The following LINGO2 variants were observed in gnomAD, a reference collection of about 807,000 sequenced individuals.
LINGO2 encodes leucine rich repeat and Ig domain containing 2.
LINGO2 carries 14 observed loss-of-function variants against 30.6 expected under a neutral mutation model. The observed-to-expected ratio is 0.46, with a 90% CI of 0.30 to 0.72. The LOEUF is 0.72. LINGO2 is among the 30% of genes least tolerant of loss of function. The pLI, the probability that LINGO2 is intolerant of heterozygous loss-of-function variation, is 0.07. For missense variants in LINGO2, 729 were observed against 751.7 expected, an observed-to-expected ratio of 0.97 and a Z score of 0.35; for synonymous variants, 317 against 288.5, an observed-to-expected ratio of 1.10 and a Z score of -1.00.
chr9:28,020,124 T>C (rs1823039867), intron 4 of LINGO2, among the ~76,000 whole-genome samples: 1 of 152,148 alleles, frequency 6.6e-6, no homozygotes, highest in South Asian at 2.1e-4. Context: ...GAATGAGCCA[T>C]CTCTGCGTTA....
the LINGO2 span, among the ~76,000 whole-genome samples, chr9:29,047,897 A>T: frequency 6.6e-6 from 1 of 150,732 alleles, no homozygotes; most frequent in Non-Finnish European, 1.5e-5. Context: ...GGCCAAGAGG[A>T]GTTTGAGACC....
At chr9:28,324,605 T>C (rs1394777842) in intron 3 of LINGO2, among the ~76,000 whole-genome samples, 1 of 152,140 alleles carries the variant, frequency 6.6e-6, no homozygotes, top group Non-Finnish European at 1.5e-5. Flanking sequence ...CATTATATGC[T>C]AATTATAATG....
chr9:28,829,993 C>A, the LINGO2 span, among the ~76,000 whole-genome samples: 1 of 152,114 alleles, frequency 6.6e-6, no homozygotes, highest in Admixed American at 6.5e-5. Context: ...CATTCATAAC[C>A]AAATTTACTG....
At chr9:28,549,187 T>C (rs142205718) in intron 1 of LINGO2, among the ~76,000 whole-genome samples, 182 of 152,238 alleles carry the variant, frequency 1.2e-3, no homozygotes, top group African/African-American at 4.3e-3. Context: ...AAACAATACA[T>C]ATCATTGTTG....
intron 2 of LINGO2, among the ~76,000 whole-genome samples, chr9:28,406,679 G>A (rs1221614309): frequency 1.3e-5 from 2 of 152,060 alleles, no homozygotes; most frequent in Non-Finnish European, 2.9e-5. Flanking sequence ...GACATTTCTA[G>A]ACAAACATGA....
At chr9:28,741,828 A>C in the LINGO2 span, among the ~76,000 whole-genome samples, 1 of 151,740 alleles carries the variant, frequency 6.6e-6, no homozygotes, top group African/African-American at 2.4e-5. Context: ...GGGCTGCAGG[A>C]GCTGACCCGG....
At chr9:29,081,881 G>A in the LINGO2 span, among the ~76,000 whole-genome samples, 1 of 151,626 alleles carries the variant, frequency 6.6e-6, no homozygotes, top group Non-Finnish European at 1.5e-5. Flanking sequence ...GGGATGTGAA[G>A]GACCTCTTCA....
chr9:28,656,356 A>G (rs188705187), intron 1 of LINGO2, among the ~76,000 whole-genome samples: 7 of 152,250 alleles, frequency 4.6e-5, no homozygotes, highest in African/African-American at 1.2e-4. Flanking sequence ...GAAAAAGATA[A>G]TAAGTATACA....
At chr9:28,199,342 T>TTCCTCCTCCTCCTCCTCCTCCTCC (rs1564036477) in intron 4 of LINGO2, among the ~76,000 whole-genome samples, 1 of 132,950 alleles carries the variant, frequency 7.5e-6, no homozygotes, top group African/African-American at 2.6e-5. Context: ...CTTCTTCTTC[T>TTCCTCCTCCTCCTCCTCCTCCTCC]TCTTTTTTTT....
At chr9:28,247,908 TATC>T (rs1461775535) in intron 4 of LINGO2, among the ~76,000 whole-genome samples, 1 of 152,090 alleles carries the variant, frequency 6.6e-6, no homozygotes, top group African/African-American at 2.4e-5. Context: ...TATAATAAAA[TATC>T]ATCTCACCCC....
At chr9:28,077,665 A>G (rs751793941) in intron 4 of LINGO2, among the ~76,000 whole-genome samples, 10 of 149,472 alleles carry the variant, frequency 6.7e-5, no homozygotes, top group Non-Finnish European at 1.0e-4. Context: ...GAGTAGTTTC[A>G]TTAAAATGTC....
chr9:29,085,106 G>A, the LINGO2 span, among the ~76,000 whole-genome samples: 1 of 151,426 alleles, frequency 6.6e-6, no homozygotes, highest in Admixed American at 6.6e-5. Flanking sequence ...ATTTAAATGT[G>A]GGAATTTGTT....
intron 1 of LINGO2, among the ~76,000 whole-genome samples, chr9:28,512,630 TATATATACACAC>T (rs1564256075): frequency 0.027 from 186 of 6,870 alleles, 4 homozygotes; most frequent in African/African-American, 0.048. Flanking sequence ...TATATATATA[TATATATACACAC>T]ATACATACAC....
At chr9:28,386,692 T>C (rs954574127) in intron 2 of LINGO2, among the ~76,000 whole-genome samples, 4 of 152,180 alleles carry the variant, frequency 2.6e-5, no homozygotes, top group Non-Finnish European at 4.4e-5. Context: ...TTCTCCAATA[T>C]GGCACTTCTA....
At chr9:28,482,531 G>A (rs913174812) in intron 1 of LINGO2, among the ~76,000 whole-genome samples, 24 of 152,006 alleles carry the variant, frequency 1.6e-4, no homozygotes, top group Admixed American at 1.4e-3. Context: ...TTAGCCCTTT[G>A]TCAGATGAGT....
At chr9:28,953,229 T>C in the LINGO2 span, among the ~76,000 whole-genome samples, 1 of 152,158 alleles carries the variant, frequency 6.6e-6, no homozygotes, top group Non-Finnish European at 1.5e-5. Flanking sequence ...TTGAGTATCA[T>C]TACTACTCAG....
chr9:28,507,294 G>T (rs1371152076), intron 1 of LINGO2, among the ~76,000 whole-genome samples: 1 of 151,790 alleles, frequency 6.6e-6, no homozygotes, highest in Non-Finnish European at 1.5e-5. Flanking sequence ...ACAGTCTTCT[G>T]TAACTATGTT....
chr9:28,136,263 G>A (rs1431154342), intron 4 of LINGO2, among the ~76,000 whole-genome samples: 1 of 152,188 alleles, frequency 6.6e-6, no homozygotes, highest in Non-Finnish European at 1.5e-5. Flanking sequence ...CAAGGCTGTT[G>A]CTGGCCCAGA....
At position 28,506,477 on chromosome 9, in the gene LINGO2, CACAT is replaced by C. The variant is rs1186354346; in HGVS notation, c.-364-30456_-364-30453del. Reference sequence around the variant, plus strand: ...ACACATACACATACACACACACACACACATACACATACACACACACACACAGACA... The same window carrying C: ...ACACATACACATACACACACACACACACACATACACACACACACACAGACA... On this transcript the variant is annotated intron_variant, in intron 1 of 5. Coordinates refer to ENST00000379992, the Ensembl canonical transcript of LINGO2. Among the ~76,000 whole-genome samples the C allele has an allele frequency of 2.4e-3, 30 of 12,656 alleles. 1 individual carries two copies. Among genetic ancestry groups the C allele is most frequent in the African/African-American group, 4.2e-3 (28 of 6,668 alleles). The allele number at this position is 12,656 out of a possible 152,430, so 8.3% of individuals were successfully genotyped here.
Sources: allele counts gnomAD v4.1 joint callset (sites outside exome capture counted in the v4.1 genomes callset), GRCh38; gene constraint gnomAD v4.1.1; transcripts MANE v1.5; gene names NCBI Gene and HGNC (gene_info 2026-07-23, HGNC 2026-07-21).